PTPRK: variants seen among roughly 807,000 people sequenced by gnomAD.
The protein encoded by PTPRK is protein tyrosine phosphatase receptor type K.
Under a neutral mutation model 178.0 loss-of-function variants are expected in PTPRK, and 75 were observed. The observed-to-expected ratio is 0.42, with a 90% CI of 0.35 to 0.51. The LOEUF is 0.51. Ranked by LOEUF, PTPRK falls within the 20% of genes least tolerant of loss-of-function variation. The pLI is 0.02. For missense variants in PTPRK, 1,441 were observed against 1,797.8 expected, an observed-to-expected ratio of 0.80 and a Z score of 3.59; for synonymous variants, 637 against 620.6, an observed-to-expected ratio of 1.03 and a Z score of -0.39.
At position 128,161,710 on chromosome 6, in the gene PTPRK, A is replaced by G. The variant is rs970136685; in HGVS notation, c.1162+22722T>C. On this transcript the variant is annotated intron_variant, in intron 7 of 29. Coordinates refer to ENST00000368226, the MANE Select transcript of PTPRK (RefSeq NM_002844.4). The stretch of plus-strand genomic sequence containing the variant: ...TGCTTCTGAATTTACCAACTTTAAT[A>G]AGATAAATTTCAAAGTTTGATTTTC... Among the ~76,000 whole-genome samples the G allele has an allele frequency of 2.0e-5, 3 of 151,638 alleles. No individual in the cohort carries two copies. The South Asian group carries it at 6.2e-4, about 31-fold the overall frequency.
intron 1 of PTPRK, among the ~76,000 whole-genome samples, chr6:128,443,139 A>T (rs1220065008): frequency 6.6e-6 from 1 of 152,200 alleles, no homozygotes; most frequent in Non-Finnish European, 1.5e-5. Flanking sequence ...AGCAGACAGG[A>T]ACACTGAGGT....
intron 1 of PTPRK, 138 bp from the exon 2 acceptor site, chr6:128,397,826 T>C: frequency 1.2e-6 from 1 of 820,896 alleles, no homozygotes; most frequent in Non-Finnish European, 1.8e-6. Flanking sequence ...TGTTTATCAC[T>C]ATTCTCTTTA....
chr6:128,432,092 T>C (rs1300333613), intron 1 of PTPRK, among the ~76,000 whole-genome samples: 3 of 152,194 alleles, frequency 2.0e-5, no homozygotes, highest in African/African-American at 4.8e-5. Context: ...TTTGTTAAAA[T>C]TGTCATAAAC....
chr6:127,991,299 C>A lies in PTPRK; in HGVS notation c.2974G>T (p.Gly992Cys), dbSNP rs1303546895. The A allele has an allele frequency of 1.3e-6, 2 of 1,590,464 alleles. No homozygotes were observed. The highest frequency in any genetic ancestry group is 2.7e-5 in the African/African-American group (2 of 73,614). Residue 992 changes from glycine to cysteine, a missense_variant, in exon 20 of 30, where the codon GGC becomes TGC. Transcript: ENST00000368226. The part of the protein sequence containing the change: ...IVMVTNLVEV[G>C]RVKCYKYWPD... ...ATTCTTTTTCTTCCTCTTACCCGGC[C>A]AACCTCAACTAAATTTGTAACCATC... is the stretch of plus-strand genomic sequence containing the variant.
At chr6:128,419,276 G>A (rs925383703) in intron 1 of PTPRK, among the ~76,000 whole-genome samples, 2 of 152,204 alleles carry the variant, frequency 1.3e-5, no homozygotes, top group Non-Finnish European at 2.9e-5. Flanking sequence ...AAGGGGGTAA[G>A]TGTGGCCTTG....
chr6:127,970,052 GTCCTTT>G lies in PTPRK; in HGVS notation c.*169_*174del. On this transcript the variant is annotated 3_prime_UTR_variant, in exon 30 of 30. Coordinates refer to ENST00000368226, the MANE Select transcript of PTPRK (RefSeq NM_002844.4). ...TAATATAGTAATAAAAACTAATTCA[GTCCTTT>G]TTATTAAGATACACAACTTCATAAA... is the stretch of plus-strand genomic sequence containing the variant. 2.0e-6 allele frequency: 1 copy of G among 498,102 alleles called. No individual in the cohort carries two copies. The highest frequency in any genetic ancestry group is 3.5e-6 in the Non-Finnish European group (1 of 282,848). The allele number at this position is 498,102 out of a possible 1,614,324, so 30.9% of individuals were successfully genotyped here.
At chr6:128,471,588 T>C (rs1202237458) in intron 1 of PTPRK, among the ~76,000 whole-genome samples, 7 of 88,492 alleles carry the variant, frequency 7.9e-5, no homozygotes, top group African/African-American at 3.2e-4. Context: ...AGGCATTCAC[T>C]AGATACAAAA....
intron 1 of PTPRK, among the ~76,000 whole-genome samples, chr6:128,514,181 G>C (rs1426943696): frequency 6.6e-6 from 1 of 152,144 alleles, no homozygotes; most frequent in Non-Finnish European, 1.5e-5. Context: ...TAACAGTATA[G>C]TATAGTATAC....
At chr6:128,339,576 T>C (rs966127229) in intron 2 of PTPRK, among the ~76,000 whole-genome samples, 12 of 152,180 alleles carry the variant, frequency 7.9e-5, no homozygotes, top group Non-Finnish European at 1.2e-4. Context: ...CATATGTATC[T>C]GGAGAGGCAA....
intron 1 of PTPRK, among the ~76,000 whole-genome samples, chr6:128,425,742 TA>T (rs1844054686): frequency 6.6e-6 from 1 of 152,112 alleles, no homozygotes; most frequent in Non-Finnish European, 1.5e-5. Context: ...CTCATCCACT[TA>T]TCTGGGAAGC....
chr6:128,492,079 A>G (rs781184019), intron 1 of PTPRK, among the ~76,000 whole-genome samples: 2 of 152,322 alleles, frequency 1.3e-5, no homozygotes, highest in Non-Finnish European at 2.9e-5. Context: ...ATTCCCTTGC[A>G]TAACACCCAA....
chr6:128,424,037 CAG>C (rs1843795624), intron 1 of PTPRK, among the ~76,000 whole-genome samples: 1 of 145,016 alleles, frequency 6.9e-6, no homozygotes, highest in South Asian at 2.2e-4. Flanking sequence ...CTGGTCAGCA[CAG>C]AGAGACACCT....
chr6:128,455,249 G>GA (rs1261946683), intron 1 of PTPRK, among the ~76,000 whole-genome samples: 5 of 151,998 alleles, frequency 3.3e-5, no homozygotes, highest in Admixed American at 2.0e-4. Context: ...AAGTTGCACA[G>GA]AAAAAATAAA....
intron 2 of PTPRK, among the ~76,000 whole-genome samples, chr6:128,339,119 G>A (rs1192643379): frequency 3.3e-5 from 5 of 152,066 alleles, no homozygotes; most frequent in Admixed American, 1.3e-4. Context: ...TATGGAGCAT[G>A]GAATGTAGCA....
At chr6:128,429,536 T>A (rs1470365328) in intron 1 of PTPRK, among the ~76,000 whole-genome samples, 1 of 152,202 alleles carries the variant, frequency 6.6e-6, no homozygotes, top group Non-Finnish European at 1.5e-5. Context: ...TAGACTGCAA[T>A]AAAACAAAGG....
In PTPRK at chr6:128,300,399, G is replaced by T. The variant is rs1171825309; in HGVS notation, c.495+21640C>A. On this transcript the variant is annotated intron_variant, in intron 3 of 29. Transcript: ENST00000368226. ...ATATACCCAAAGGACTATAAATCAT[G>T]CTGCTATAAAGACACATACACACGT... 3.9e-5 allele frequency among the ~76,000 whole-genome samples: 6 copies of T among 152,034 alleles called. No individual in the cohort carries two copies. The East Asian group carries it at 5.8e-4, about 15-fold the overall frequency.
intron 21 of PTPRK, among the ~76,000 whole-genome samples, chr6:127,986,747 T>C (rs1024262057): frequency 1.3e-5 from 2 of 152,138 alleles, no homozygotes; most frequent in Non-Finnish European, 2.9e-5. Flanking sequence ...ACTATCAATC[T>C]CACTTGTTCA....
intron 1 of PTPRK, among the ~76,000 whole-genome samples, chr6:128,435,103 A>G (rs1426815585): frequency 1.4e-5 from 1 of 71,720 alleles, no homozygotes; most frequent in Non-Finnish European, 2.6e-5. Context: ...GAAGGAAGGA[A>G]GGAAGGCAGG....
At chr6:128,016,214 T>A (rs1000103255) in intron 13 of PTPRK, among the ~76,000 whole-genome samples, 1 of 151,884 alleles carries the variant, frequency 6.6e-6, no homozygotes, top group African/African-American at 2.4e-5. Context: ...CAAGTCATGG[T>A]AGACTTCATA....
Sources: gnomAD v4.1 joint callset for allele counts (sites outside exome capture counted in the v4.1 genomes callset) on GRCh38, gnomAD v4.1.1 for gene constraint, MANE v1.5 for transcripts, NCBI Gene and HGNC (gene_info 2026-07-23, HGNC 2026-07-21) for gene names.